The following PCDHGA7 variants were observed in gnomAD, a reference collection of about 807,000 sequenced individuals.
PCDHGA7 encodes protocadherin gamma subfamily A, 7.
In PCDHGA7, 44 loss-of-function variants were observed where a neutral mutation model predicts 58.3. The ratio of observed to expected loss-of-function variants is 0.75; its 90% CI spans 0.59 to 0.97. The LOEUF is 0.97. Ranked by LOEUF, PCDHGA7 falls within the 50% of genes least tolerant of loss-of-function variation. The probability of loss-of-function intolerance (pLI) is 0.00; values close to 1 mark genes in which losing one functional copy is unlikely to be tolerated. For synonymous variants in PCDHGA7, 516 were observed against 504.2 expected (o/e 1.02, Z -0.31); for missense variants, 1,266 against 1,188.7 (o/e 1.06, Z -0.96).
intron 1 of PCDHGA7, chr5:141,478,768 A>G: frequency 6.7e-7 from 1 of 1,501,046 alleles, no homozygotes; most frequent in African/African-American, 1.4e-5. Context: ...TACTTGACTC[A>G]TCTGTGGACC....
chr5:141,405,477 T>A, intron 1 of PCDHGA7: 1 of 1,025,232 alleles, frequency 9.8e-7, no homozygotes, highest in Non-Finnish European at 1.4e-6. Context: ...TGGAATGCAG[T>A]GGTGTGATCT....
intron 1 of PCDHGA7, chr5:141,404,458 C>A: frequency 6.2e-7 from 1 of 1,612,914 alleles, no homozygotes; most frequent in East Asian, 2.2e-5. Context: ...CTCCTCTCTC[C>A]ACCTATGTCT....
At chr5:141,443,538 G>C (rs768723399) in intron 1 of PCDHGA7, among the ~76,000 whole-genome samples, 11 of 152,118 alleles carry the variant, frequency 7.2e-5, no homozygotes. Flanking sequence ...TTTAAAGCTT[G>C]GGAAATTGTT....
chr5:141,432,463 C>A lies in PCDHGA7; in HGVS notation c.2424+47140C>A, dbSNP rs781407406. On this transcript the variant is annotated intron_variant, in intron 1 of 3. Transcript: ENST00000518325. The surrounding 1 kb of genome is among the most constrained non-coding windows in gnomAD (Gnocchi z 6.0). Reference sequence around the variant, plus strand: ...CCGAGATCCTGTACCCCGCCCTCCCCACGGACGGTTCCACTGGCGTGGAGC... The same window carrying A: ...CCGAGATCCTGTACCCCGCCCTCCCAACGGACGGTTCCACTGGCGTGGAGC... The A allele has an allele frequency of 5.6e-6, 9 of 1,614,120 alleles. No homozygotes were observed. In the Admixed American group the frequency reaches 1.3e-4, roughly 24 times the overall value.
At chr5:141,398,657 G>C in intron 1 of PCDHGA7, 1 of 1,614,018 alleles carries the variant, frequency 6.2e-7, no homozygotes, top group African/African-American at 1.3e-5. Flanking sequence ...CTTAACCCAA[G>C]TTTCTCATTA....
chr5:141,454,796 A>ATTTTTTTT (rs61612330), intron 1 of PCDHGA7, among the ~76,000 whole-genome samples: 1,488 of 77,444 alleles, frequency 0.019, 251 homozygotes, highest in African/African-American at 0.042. Flanking sequence ...CATGGTTCTA[A>ATTTTTTTT]TTTTTTTTTT....
Position 141,491,711 on chromosome 5 carries a change from C to A in PCDHGA7, c.2425-3096C>A, listed in dbSNP as rs528931820. ...CGGGAGCGGAGCCAGGTGAGGGGCT[C>A]GGCGCCGCCCCGGGCGACCCCTGGG... On this transcript the variant is annotated intron_variant, in intron 1 of 3. Coordinates refer to ENST00000518325, the MANE Select transcript of PCDHGA7 (RefSeq NM_018920.4). The surrounding 1 kb of genome is among the most constrained non-coding windows in gnomAD (Gnocchi z 6.9). 1.3e-4 allele frequency: 217 copies of A among 1,609,356 alleles called. 3 individuals are homozygous for A. In the South Asian group the frequency reaches 2.2e-3, roughly 17 times the overall value.
intron 1 of PCDHGA7, chr5:141,440,587 A>G (rs566819394): frequency 1.3e-5 from 2 of 152,392 alleles, no homozygotes; most frequent in East Asian, 3.9e-4. Flanking sequence ...CCCAGCTGGA[A>G]CAAGATTTGC....
intron 1 of PCDHGA7, among the ~76,000 whole-genome samples, chr5:141,484,740 G>GA (rs1047805396): frequency 2.0e-5 from 3 of 150,646 alleles, no homozygotes; most frequent in Admixed American, 1.3e-4. Context: ...GGTGTGTTAG[G>GA]AAAAAAAATG....
rs1386912520 is a variant in PCDHGA7 at position 141,505,425 on chromosome 5, C to T, written c.2516C>T (p.Pro839Leu). 1.2e-6 allele frequency: 2 copies of T among 1,614,060 alleles called. No individual in the cohort carries two copies. The highest frequency in any genetic ancestry group is 1.7e-6 in the Non-Finnish European group (2 of 1,180,022). The change falls in exon 3 of 4, where the codon CCC becomes CTC. Residue 839 changes from proline to leucine, a missense_variant. Physicochemically the swap from Pro to Leu is moderately conservative, Grantham distance 98 (BLOSUM62 -3). Transcript: ENST00000518325. ...AATGGCGATGACACCGGCACCTGGC[C>T]CAACAACCAGTTTGACACAGAGATG... ...SQNGDDTGTW[P>L]NNQFDTEMLQ... is the part of the protein sequence containing the mutation.
chr5:141,400,072 C>G (rs1469206078), intron 1 of PCDHGA7: 1 of 1,613,934 alleles, frequency 6.2e-7, no homozygotes, highest in Non-Finnish European at 8.5e-7. Context: ...TGGACAGCCG[C>G]CACTCTCCGC....
Position 141,490,920 on chromosome 5 carries a change from T to A in PCDHGA7, c.2425-3887T>A. 1.2e-6 allele frequency: 2 copies of A among 1,613,638 alleles called. No homozygotes were observed. The highest frequency in any genetic ancestry group is 1.7e-6 in the Non-Finnish European group (2 of 1,179,684). The stretch of plus-strand genomic sequence containing the variant: ...TGTTTGTCCTAGACGAGAATGATAA[T>A]GCCCCAGCTGTGCTGCACCCACGGC... On this transcript the variant is annotated intron_variant, in intron 1 of 3. Coordinates refer to ENST00000518325, the MANE Select transcript of PCDHGA7 (RefSeq NM_018920.4). This position sits in a 1 kb window ranked among gnomAD's most constrained non-coding sequence, Gnocchi z 5.4.
At position 141,431,555 on chromosome 5, in the gene PCDHGA7, G is replaced by A. The variant is rs2097394199; in HGVS notation, c.2424+46232G>A. On this transcript the variant is annotated intron_variant, in intron 1 of 3. Transcript: ENST00000518325. This position sits in a 1 kb window ranked among gnomAD's most constrained non-coding sequence, Gnocchi z 4.8. The stretch of plus-strand genomic sequence containing the variant: ...GGGCACGCAGCTGCTTGTAGTCAAC[G>A]CTACCGACCCTGACGAAGGAGTCAA... 1 of 1,614,014 alleles carries A rather than the reference G, an allele frequency of 6.2e-7. No individual in the cohort carries two copies. The highest frequency in any genetic ancestry group is 8.5e-7 in the Non-Finnish European group (1 of 1,180,032).
Position 141,510,956 on chromosome 5 carries a change from A to T in PCDHGA7, c.2582A>T (p.Asp861Val). 1 of 1,614,104 alleles carries T rather than the reference A, an allele frequency of 6.2e-7. No homozygotes were observed. The highest frequency in any genetic ancestry group is 8.5e-7 in the Non-Finnish European group (1 of 1,179,996). The change falls in exon 4 of 4, where the codon GAT becomes GTT. Residue 861 changes from aspartate to valine, a missense_variant. Asp to Val is a radical substitution (Grantham distance 152). Transcript: ENST00000518325. ...MILASASEAA[D>V]GSSTLGGGAG... ...TCCTCTGTCTCTGCAGAAGCTGCTG[A>T]TGGGAGCTCCACCCTGGGAGGGGGT...
chr5:141,404,004 C>G (rs1219625288), intron 1 of PCDHGA7: 33 of 1,613,842 alleles, frequency 2.0e-5, no homozygotes, highest in Non-Finnish European at 2.8e-5. Flanking sequence ...ACCATTACAT[C>G]TCTGTTTAGC....
intron 1 of PCDHGA7, chr5:141,423,297 C>T: frequency 1.9e-6 from 3 of 1,614,170 alleles, no homozygotes; most frequent in South Asian, 1.1e-5. Flanking sequence ...CCTCAGACCT[C>T]TCGCTGTACT....
In PCDHGA7 at chr5:141,464,280, A is replaced by C. The variant is rs934753450; in HGVS notation, c.2425-30527A>C. Among the ~76,000 whole-genome samples, 148 of 75,930 alleles carry C rather than the reference A, an allele frequency of 1.9e-3. 1 individual carries two copies. Among genetic ancestry groups the C allele is most frequent in the African/African-American group, 0.011 (146 of 12,968 alleles). 49.8% of individuals were successfully genotyped at this position (75,930 alleles called of 152,430 possible). Reference sequence around the variant, plus strand: ...ACTCCGTCTAAAAAAAAAAAAAAGCAAAAAAAAAAACTCCATTGTATGTGC... The same window carrying C: ...ACTCCGTCTAAAAAAAAAAAAAAGCCAAAAAAAAAACTCCATTGTATGTGC... On this transcript the variant is annotated intron_variant, in intron 1 of 3. Transcript: ENST00000518325.
Position 141,384,522 on chromosome 5 carries a change from T to G in PCDHGA7, c.1623T>G (p.Pro541=), listed in dbSNP as rs1251146864. ...RVTAHDSGDP[P]LSSNMSLSLF... ...CTGCACATGACAGCGGGGACCCGCC[T>G]CTCAGCAGCAACATGTCACTGAGCC... Residue 541 remains proline (P), a synonymous_variant, in exon 1 of 4, where the codon CCT becomes CCG. Transcript: ENST00000518325. 1.2e-6 allele frequency: 2 copies of G among 1,614,074 alleles called. No individual in the cohort carries two copies. Among genetic ancestry groups the G allele is most frequent in the East Asian group, 2.2e-5 (1 of 44,894 alleles).
intron 1 of PCDHGA7, chr5:141,410,177 A>C (rs2095365763): frequency 1.2e-6 from 2 of 1,613,626 alleles, no homozygotes; most frequent in Non-Finnish European, 1.7e-6. Flanking sequence ...TGCCACCGCC[A>C]CGCTTCATCT....
Sources: allele counts gnomAD v4.1 joint callset (sites outside exome capture counted in the v4.1 genomes callset), GRCh38; gene constraint gnomAD v4.1.1; non-coding constraint Gnocchi (gnomAD v3.1); transcripts MANE v1.5; gene names NCBI Gene and HGNC (gene_info 2026-07-23, HGNC 2026-07-21).